GLIS3: variants seen among roughly 807,000 people sequenced by gnomAD.
GLIS3 encodes zinc finger protein GLIS3.
A neutral mutation model predicts 78.6 loss-of-function variants in GLIS3; 53 were observed. That is an observed-to-expected ratio of 0.67 (90% confidence interval 0.54 to 0.85). The LOEUF (loss-of-function observed/expected upper bound fraction) is 0.85, where lower values mean the gene tolerates loss of function less well. GLIS3 is among the 40% of genes least tolerant of loss of function. The pLI is 0.00. For missense variants in GLIS3, 1,703 were observed against 1,231.1 expected (o/e 1.38, Z -5.74); for synonymous variants, 684 against 509.9 (o/e 1.34, Z -4.60).
intron 2 of GLIS3, among the ~76,000 whole-genome samples, chr9:4,173,202 C>G (rs1653036706): frequency 6.6e-6 from 1 of 152,016 alleles, no homozygotes; most frequent in African/African-American, 2.4e-5. Context: ...AGAAATTAGC[C>G]AAAACAGGAA....
chr9:4,267,301 T>TA (rs1466776356), intron 2 of GLIS3, among the ~76,000 whole-genome samples: 2 of 152,054 alleles, frequency 1.3e-5, no homozygotes, highest in East Asian at 3.8e-4. Context: ...AGTTTATAGA[T>TA]AGATTATGTA....
intron 2 of GLIS3, among the ~76,000 whole-genome samples, chr9:4,267,438 T>C (rs896878677): frequency 6.6e-6 from 1 of 152,172 alleles, no homozygotes; most frequent in Non-Finnish European, 1.5e-5. Context: ...AAGATTAATT[T>C]CTGGATGTAG....
At position 4,207,909 on chromosome 9, in the gene GLIS3, G is replaced by C. The variant is rs533065888; in HGVS notation, c.388+78129C>G. Among the ~76,000 whole-genome samples the C allele has an allele frequency of 1.6e-4, 25 of 152,306 alleles. 1 individual carries two copies. The highest frequency in any genetic ancestry group is 5.5e-4 in the African/African-American group (23 of 41,558). On this transcript the variant is annotated intron_variant, in intron 2 of 10. Transcript: ENST00000381971. ...ATTCTAACTTCGCTTTCTTTATCTG[G>C]CTAAAATACTTCCACTTCAGCTGCC...
chr9:4,431,302 T>C, the GLIS3 span, among the ~76,000 whole-genome samples: 2 of 152,248 alleles, frequency 1.3e-5, no homozygotes, highest in African/African-American at 2.4e-5. Context: ...GCCATCCAGA[T>C]AGTTAGCATC....
intron 9 of GLIS3, among the ~76,000 whole-genome samples, chr9:3,835,604 C>A (rs1818301955): frequency 6.6e-6 from 1 of 152,200 alleles, no homozygotes. Flanking sequence ...AATGTGTGTG[C>A]TTGCCTTTGC....
chr9:4,098,324 G>T (rs944681287), intron 4 of GLIS3, among the ~76,000 whole-genome samples: 6 of 152,168 alleles, frequency 3.9e-5, no homozygotes, highest in Non-Finnish European at 7.3e-5. Flanking sequence ...ATGTCCCTCT[G>T]TGACACAAGA....
intron 2 of GLIS3, among the ~76,000 whole-genome samples, chr9:4,273,083 A>G (rs1178311520): frequency 6.6e-6 from 1 of 152,222 alleles, no homozygotes; most frequent in Non-Finnish European, 1.5e-5. Context: ...TTCTAAATCC[A>G]TATATCAAGT....
In GLIS3 at chr9:3,855,976, C is replaced by G; in HGVS notation, c.2473+33G>C. 2.5e-6 allele frequency: 4 copies of G among 1,612,510 alleles called. No homozygotes were observed. In the African/African-American group the frequency reaches 4.0e-5, roughly 16 times the overall value. On this transcript the variant is annotated intron_variant, in intron 9 of 10. Transcript: ENST00000381971. ...AAAGCAACAGCACAATGTCACTTTT[C>G]AAAACTCAAGGGACTGCCAGCTTCT...
chr9:3,883,966 C>T (rs988657074), intron 7 of GLIS3, among the ~76,000 whole-genome samples: 1 of 152,184 alleles, frequency 6.6e-6, no homozygotes, highest in African/African-American at 2.4e-5. Context: ...TCTTAGTGGC[C>T]TGGCTCACTG....
At chr9:4,352,313 T>C (rs533794455), upstream of GLIS3, among the ~76,000 whole-genome samples, 2 of 152,342 alleles carry the variant, frequency 1.3e-5, no homozygotes, top group South Asian at 2.1e-4. Flanking sequence ...CCACCTGAGG[T>C]TGGCCTATGA....
chr9:4,438,079 G>C, the GLIS3 span, among the ~76,000 whole-genome samples: 1 of 152,154 alleles, frequency 6.6e-6, no homozygotes, highest in African/African-American at 2.4e-5. Context: ...GTCAGCTGTA[G>C]TTGAGAAGTT....
intron 2 of GLIS3, among the ~76,000 whole-genome samples, chr9:4,200,650 T>C (rs557109548): frequency 6.6e-6 from 1 of 151,998 alleles, no homozygotes; most frequent in South Asian, 2.1e-4. Flanking sequence ...AGTTCCAAAA[T>C]TGAATCAGAA....
At chr9:3,900,077 A>C (rs879581381) in intron 6 of GLIS3, among the ~76,000 whole-genome samples, 1 of 151,888 alleles carries the variant, frequency 6.6e-6, no homozygotes, top group African/African-American at 2.4e-5. Context: ...AAGCAGGGTG[A>C]GCCTGGGGCC....
intron 2 of GLIS3, among the ~76,000 whole-genome samples, chr9:4,168,874 A>G (rs1399527847): frequency 6.6e-6 from 1 of 152,182 alleles, no homozygotes; most frequent in African/African-American, 2.4e-5. Flanking sequence ...CGAAACATCA[A>G]TCTGTTTAAT....
chr9:4,337,883 G>A (rs1258062232), intron 2 of GLIS3, among the ~76,000 whole-genome samples: 1 of 152,074 alleles, frequency 6.6e-6, no homozygotes, highest in Non-Finnish European at 1.5e-5. Flanking sequence ...TTTGAAAGAT[G>A]AAGAAACTGG....
At chr9:4,068,570 T>C (rs951849941) in intron 4 of GLIS3, among the ~76,000 whole-genome samples, 1 of 152,146 alleles carries the variant, frequency 6.6e-6, no homozygotes, top group Non-Finnish European at 1.5e-5. Flanking sequence ...AAGTATAACC[T>C]GTATAATCAG....
At chr9:4,401,511 G>T in the GLIS3 span, among the ~76,000 whole-genome samples, 10 of 151,168 alleles carry the variant, frequency 6.6e-5, no homozygotes, top group East Asian at 1.6e-3. Flanking sequence ...TAATCCACTT[G>T]CCTTGGCTTC....
chr9:4,289,803 G>C (rs1488627575), intron 1 of GLIS3, among the ~76,000 whole-genome samples: 2 of 152,082 alleles, frequency 1.3e-5, no homozygotes, highest in Non-Finnish European at 2.9e-5. Flanking sequence ...CTGCTAATAT[G>C]AGTCAGCATG....
Position 4,285,851 on chromosome 9 carries a change from A to ACTGTGGTCCC in GLIS3, c.388+177_388+186dup, listed in dbSNP as rs1827941755. ...AGATGTCTCATACTCAGCATTTACC[A>ACTGTGGTCCC]CTGTGGTCCCCTCCAACACATACAC... On this transcript the variant is annotated intron_variant, in intron 2 of 10. Transcript: ENST00000381971. 8 of 677,712 alleles carry ACTGTGGTCCC rather than the reference A, an allele frequency of 1.2e-5. No homozygotes were observed. In the East Asian group the frequency reaches 2.2e-4, roughly 18 times the overall value. The allele number at this position is 677,712 out of a possible 1,614,324, so 42.0% of individuals were successfully genotyped here. A position where few individuals can be genotyped will look rare whatever the true frequency, so the allele number is the denominator to read the frequency against.
Sources: allele counts gnomAD v4.1 joint callset (sites outside exome capture counted in the v4.1 genomes callset), GRCh38; gene constraint gnomAD v4.1.1; transcripts MANE v1.5; gene names NCBI Gene and HGNC (gene_info 2026-07-23, HGNC 2026-07-21).